The following IL4I1 variants were observed in gnomAD, a reference collection of about 807,000 sequenced individuals.
IL4I1 encodes the protein L-amino-acid oxidase.
Under a neutral mutation model 29.7 loss-of-function variants are expected in IL4I1, and 24 were observed. That is an observed-to-expected ratio of 0.81 (90% CI 0.59 to 1.14). The LOEUF is 1.14. IL4I1 is among the 50% of genes most tolerant of loss of function. IL4I1 has a pLI of 0.00. For synonymous variants in IL4I1, 371 were observed against 352.5 expected (o/e 1.05, Z -0.59); for missense variants, 686 against 785.6 (o/e 0.87, Z 1.52).
chr19:49,913,830 C>A (rs1021266648), intron 2 of IL4I1, among the ~76,000 whole-genome samples: 2 of 152,160 alleles, frequency 1.3e-5, no homozygotes, highest in African/African-American at 4.8e-5. Flanking sequence ...CAGACCCATA[C>A]ATACCATGCT....
intron 2 of IL4I1, among the ~76,000 whole-genome samples, chr19:49,914,858 G>GC (rs1213157551): frequency 6.9e-6 from 1 of 145,352 alleles, no homozygotes; most frequent in Non-Finnish European, 1.5e-5. Flanking sequence ...TCCCACCTCA[G>GC]CCTCCCGAGT....
intron 2 of IL4I1, among the ~76,000 whole-genome samples, chr19:49,904,858 T>C (rs1290748): frequency 0.84 from 127,377 of 152,132 alleles, 53,862 homozygotes; most frequent in African/African-American, 0.96. Context: ...TATAGGCGCC[T>C]GCCACCACAC....
intron 3 of IL4I1, among the ~76,000 whole-genome samples, chr19:49,903,541 C>G (rs1047855615): frequency 3.3e-5 from 5 of 152,200 alleles, no homozygotes; most frequent in African/African-American, 7.2e-5. Flanking sequence ...AGCGTGAGGG[C>G]TTTGCTCCCT....
intron 2 of IL4I1, among the ~76,000 whole-genome samples, chr19:49,926,524 T>TA (rs1456204994): frequency 1.4e-5 from 2 of 144,932 alleles, no homozygotes; most frequent in Non-Finnish European, 3.1e-5. Flanking sequence ...AGCAAGACTC[T>TA]GTCTCAAAAA....
intron 2 of IL4I1, chr19:49,908,636 T>C: frequency 6.2e-7 from 1 of 1,613,300 alleles, no homozygotes; most frequent in Non-Finnish European, 8.5e-7. Context: ...GTCGAGCTCC[T>C]GGTCCAGCCT....
intron 2 of IL4I1, among the ~76,000 whole-genome samples, chr19:49,912,743 G>GT (rs1323595798): frequency 4.1e-5 from 6 of 147,126 alleles, no homozygotes; most frequent in Non-Finnish European, 8.9e-5. Flanking sequence ...GCAGGCGCCT[G>GT]TAGTCGCAGC....
intron 2 of IL4I1, chr19:49,908,364 T>C (rs746274372): frequency 4.3e-6 from 7 of 1,614,086 alleles, no homozygotes; most frequent in South Asian, 1.1e-5. Context: ...AGTGAGTCCA[T>C]GTGCGCATTG....
At chr19:49,928,093 T>C (rs369466061) in intron 1 of IL4I1, 88 of 152,368 alleles carry the variant, frequency 5.8e-4, no homozygotes, top group African/African-American at 2.0e-3. Context: ...AAGATGAGGA[T>C]AGCTGGAAAC....
chr19:49,919,115 T>G (rs1343610126), intron 2 of IL4I1, among the ~76,000 whole-genome samples: 1 of 152,142 alleles, frequency 6.6e-6, no homozygotes, highest in Non-Finnish European at 1.5e-5. Context: ...ATCACACCAC[T>G]GCACTCCAGC....
intron 6 of IL4I1, 63 bp from the exon 7 acceptor site, chr19:49,891,170 C>G: frequency 6.3e-7 from 1 of 1,579,968 alleles, no homozygotes; most frequent in Non-Finnish European, 8.6e-7. Flanking sequence ...GAGAGCCCCT[C>G]CGCAGCTGGG....
intron 2 of IL4I1, among the ~76,000 whole-genome samples, chr19:49,919,682 C>T (rs763883178): frequency 2.5e-4 from 38 of 152,220 alleles, no homozygotes; most frequent in Middle Eastern, 3.4e-3. Context: ...GAGCTCTGGT[C>T]GCAGGACCAA....
intron 7 of IL4I1, 122 bp downstream of exon 7, chr19:49,890,849 A>G: frequency 1.1e-6 from 1 of 894,402 alleles, no homozygotes. Flanking sequence ...CCCCGCGACC[A>G]TCAATTAGGC....
At chr19:49,896,307 G>A (rs764518236) in intron 1 of IL4I1, 125 bp from the exon 2 acceptor site, 1 of 1,204,372 alleles carries the variant, frequency 8.3e-7, no homozygotes, top group East Asian at 2.6e-5. Flanking sequence ...CCTGCTCTCT[G>A]GACCTGTGTC....
chr19:49,908,346 TC>T, intron 2 of IL4I1: 1 of 1,614,150 alleles, frequency 6.2e-7, no homozygotes, highest in Non-Finnish European at 8.5e-7. Flanking sequence ...TTCTGGTCGA[TC>T]CACTGCAGTG....
rs7252011 is a variant in IL4I1, at chr19:49,909,445, G to A, written c.-227-5124C>T. On this transcript the variant is annotated intron_variant, in intron 2 of 9. Coordinates refer to the IL4I1 transcript ENST00000341114. Reference sequence around the variant, plus strand: ...TGACGGTGCTCGATATGGCATTAGTGAGGTTGCTGCTGCCCAGCCCAAAGC... The same window carrying A: ...TGACGGTGCTCGATATGGCATTAGTAAGGTTGCTGCTGCCCAGCCCAAAGC... The A allele has an allele frequency of 1.1e-4, 183 of 1,614,096 alleles. No individual in the cohort carries two copies. The African/African-American group carries it at 2.2e-3, about 19-fold the overall frequency.
upstream of IL4I1, among the ~76,000 whole-genome samples, chr19:49,898,055 T>C (rs527399549): frequency 6.6e-5 from 10 of 152,360 alleles, 2 homozygotes; most frequent in South Asian, 1.9e-3. Context: ...CAGGGGTGGC[T>C]CACGCCTATA....
In IL4I1 at chr19:49,921,911, TC is replaced by T. The variant is rs769675353; in HGVS notation, c.-228+5782del. ...TCTGGACACAGCGGTGGCTCTCACC[TC>T]CCTTCCATCTTGGCAGGATGAGTGC... is the stretch of plus-strand genomic sequence containing the variant. On this transcript the variant is annotated intron_variant, in intron 2 of 9. Transcript: ENST00000341114. The surrounding 1 kb of genome is among the most constrained non-coding windows in gnomAD (Gnocchi z 5.4). 3.9e-5 allele frequency among the ~76,000 whole-genome samples: 6 copies of T among 152,220 alleles called. No individual in the cohort carries two copies. Among genetic ancestry groups the T allele is most frequent in the Non-Finnish European group, 8.8e-5 (6 of 68,000 alleles).
At chr19:49,916,771 A>G (rs2075635228) in intron 2 of IL4I1, among the ~76,000 whole-genome samples, 1 of 152,040 alleles carries the variant, frequency 6.6e-6, no homozygotes, top group Non-Finnish European at 1.5e-5. Context: ...CTCAAAAACA[A>G]AAAAACAAAA....
chr19:49,896,133 C>T lies in IL4I1; in HGVS notation c.13+15G>A, dbSNP rs763571550. The T allele has an allele frequency of 2.6e-6, 4 of 1,544,462 alleles. No individual in the cohort carries two copies. The highest frequency in any genetic ancestry group is 1.7e-4 in the Middle Eastern group (1 of 5,774). ...TCTACTCACTTGTTCCAGAGCCCCT[C>T]CCCTGCTTACTCACCCAATGGGGCC... is the stretch of plus-strand genomic sequence containing the variant. On this transcript the variant is annotated intron_variant, in intron 2 of 7. Transcript: ENST00000391826.
Sources: gnomAD v4.1 joint callset for allele counts (sites outside exome capture counted in the v4.1 genomes callset) on GRCh38, gnomAD v4.1.1 for gene constraint, Gnocchi (gnomAD v3.1) non-coding constraint, MANE v1.5 for transcripts, NCBI Gene and HGNC (gene_info 2026-07-23, HGNC 2026-07-21) for gene names.